Variants in ANXA6 observed in about 807,000 individuals in gnomAD.
ANXA6 encodes the protein 67 kDa calelectrin.
ANXA6 carries 71 observed loss-of-function variants against 95.4 expected under a neutral mutation model. The ratio of observed to expected loss-of-function variants is 0.74; its 90% CI spans 0.61 to 0.91. ANXA6 has a LOEUF of 0.91. Among genes scored for constraint, ANXA6 ranks in the 40% least tolerant of loss-of-function variants. The pLI is 0.00. For missense variants in ANXA6, 830 were observed against 876.4 expected, an observed-to-expected ratio of 0.95 and a Z score of 0.67; for synonymous variants, 289 against 315.9, an observed-to-expected ratio of 0.91 and a Z score of 0.90.
chr5:151,114,287 A>C (rs536072703), intron 20 of ANXA6, among the ~76,000 whole-genome samples: 3 of 152,290 alleles, frequency 2.0e-5, no homozygotes, highest in African/African-American at 7.2e-5. Flanking sequence ...AGTGGGGTAA[A>C]TGAATTCTAT....
chr5:151,127,429 C>T (rs538134268), intron 13 of ANXA6, among the ~76,000 whole-genome samples: 31 of 152,220 alleles, frequency 2.0e-4, no homozygotes, highest in Admixed American at 5.2e-4. Flanking sequence ...CACTTCTCTG[C>T]CTTATTTCTC....
intron 2 of ANXA6, chr5:151,140,485 C>A (rs775373893): frequency 4.5e-4 from 215 of 480,704 alleles, no homozygotes; most frequent in Non-Finnish European, 6.7e-4. Context: ...GCCTGCAGCC[C>A]TGCACCACCT....
At chr5:151,124,066 C>A (rs1765244191) in intron 15 of ANXA6, among the ~76,000 whole-genome samples, 1 of 152,188 alleles carries the variant, frequency 6.6e-6, no homozygotes, top group Non-Finnish European at 1.5e-5. Flanking sequence ...TGGGGGACAC[C>A]TTGGTCCCTG....
intron 16 of ANXA6, 111 bp from the exon 17 acceptor site, chr5:151,122,371 G>A: frequency 1.5e-6 from 1 of 651,462 alleles, no homozygotes; most frequent in Non-Finnish European, 2.6e-6. Flanking sequence ...GATCATGGAA[G>A]CTTGTGTCTG....
rs765247642 is a variant in ANXA6, at chr5:151,126,412, G to T, written c.1046C>A (p.Ala349Asp). Residue 349 changes from alanine to aspartate, a missense_variant, in exon 14 of 26, where the codon GCC (alanine) becomes GAC (aspartate). Transcript: ENST00000354546. ...AYQMWELSAV[A>D]RVELKGTVRP... Reference sequence around the variant, plus strand: ...AGGGGAAGGTCTGACCTCTACTCGGGCCACTGCACTAAGTTCCCACATCTG... The same window carrying T: ...AGGGGAAGGTCTGACCTCTACTCGGTCCACTGCACTAAGTTCCCACATCTG... 1 of 1,609,454 alleles carries T rather than the reference G, an allele frequency of 6.2e-7. No homozygotes were observed. Among genetic ancestry groups the T allele is most frequent in the South Asian group, 1.1e-5 (1 of 89,942 alleles).
Position 151,122,903 on chromosome 5 carries a change from G to A in ANXA6, c.1233+14C>T. On this transcript the variant is annotated intron_variant, in intron 16 of 25. Transcript: ENST00000354546. ...CATGCATGTTGCACAGAGAGCCCAG[G>A]AGGAGGTCCTTACCCGGCCAAAGTG... 6.2e-7 allele frequency: 1 copy of A among 1,612,378 alleles called. No homozygotes were observed. The highest frequency in any genetic ancestry group is 8.5e-7 in the Non-Finnish European group (1 of 1,178,562).
At chr5:151,104,414 G>A (rs578218080) in intron 24 of ANXA6, among the ~76,000 whole-genome samples, 1 of 152,330 alleles carries the variant, frequency 6.6e-6, no homozygotes, top group African/African-American at 2.4e-5. Context: ...TCAGAGCTAG[G>A]TTCGAGTCCC....
chr5:151,156,202 C>T (rs1766232884), intron 1 of ANXA6, among the ~76,000 whole-genome samples: 1 of 152,126 alleles, frequency 6.6e-6, no homozygotes, highest in Admixed American at 6.5e-5. Flanking sequence ...TCCTGCCCTC[C>T]CCAGTCCCAT....
intron 20 of ANXA6, among the ~76,000 whole-genome samples, chr5:151,116,113 G>T (rs1055663414): frequency 1.3e-5 from 2 of 152,300 alleles, no homozygotes; most frequent in Admixed American, 6.5e-5. Context: ...TAACTGTCAG[G>T]TTCCAGCTAA....
chr5:151,149,543 G>A (rs547228949), intron 1 of ANXA6, among the ~76,000 whole-genome samples: 2 of 152,158 alleles, frequency 1.3e-5, no homozygotes, highest in East Asian at 3.9e-4. Flanking sequence ...CTGGAGTGCA[G>A]TGGCGCAATC....
At position 151,103,562 on chromosome 5, in the gene ANXA6, C is replaced by T; in HGVS notation, c.1962+8G>A. ...CGCTTCCTGCTAACCTCTAGCCCCT[C>T]CCCTTACCTCAATGGCTTGGTGGAG... On this transcript the variant is annotated splice_region_variant and intron_variant, in intron 25 of 25. Transcript: ENST00000354546. 3 of 1,612,062 alleles carry T rather than the reference C, an allele frequency of 1.9e-6. No individual in the cohort carries two copies. Among genetic ancestry groups the T allele is most frequent in the Non-Finnish European group, 2.5e-6 (3 of 1,178,930 alleles).
At chr5:151,156,501 C>A (rs982864459) in intron 1 of ANXA6, among the ~76,000 whole-genome samples, 1 of 152,154 alleles carries the variant, frequency 6.6e-6, no homozygotes, top group African/African-American at 2.4e-5. Flanking sequence ...CAGGATATGC[C>A]ATCTGGGTCA....
chr5:151,110,163 C>G (rs1387414857), intron 21 of ANXA6, among the ~76,000 whole-genome samples: 1 of 152,142 alleles, frequency 6.6e-6, no homozygotes, highest in Non-Finnish European at 1.5e-5. Flanking sequence ...ACTGGGAGTT[C>G]CCCTTCCATC....
chr5:151,138,847 C>A (rs1026529765), intron 4 of ANXA6, 56 bp from the exon 5 acceptor site: 7 of 1,233,520 alleles, frequency 5.7e-6, no homozygotes, highest in Non-Finnish European at 7.1e-6. Context: ...GTAGTTACAA[C>A]GGTAAGAATT....
chr5:151,137,187 T>C (rs1765687518), intron 6 of ANXA6, 44 bp downstream of exon 6: 2 of 1,530,792 alleles, frequency 1.3e-6, no homozygotes, highest in Non-Finnish European at 9.0e-7. Flanking sequence ...ATCATCCTCA[T>C]TTTGTATCTG....
rs1462543962 is a variant in ANXA6 at position 151,126,487 on chromosome 5, T to G, written c.978-7A>C. ...GAAGAACTGGCCAGCAGCACTGGAA[T>G]GGAGGGGTTTAGGGAGAGGACAGGA... On this transcript the variant is annotated splice_polypyrimidine_tract_variant and splice_region_variant and intron_variant, in intron 13 of 25. Transcript: ENST00000354546. 6.2e-7 allele frequency: 1 copy of G among 1,604,762 alleles called. No homozygotes were observed. Among genetic ancestry groups the G allele is most frequent in the South Asian group, 1.1e-5 (1 of 89,272 alleles).
chr5:151,101,493 TC>T lies in ANXA6; in HGVS notation c.1976del (p.Gly659GlufsTer4). ...GAGCCAGCAAGGCCTTCAGGAAGTC[TC>T]CGGAGGTGTCACCCTGGCAGAGGCA... ...LHQAIEGDTS[G>X]DFLKALLALC... On this transcript the variant is annotated frameshift_variant, in exon 26 of 26. Coordinates refer to ENST00000354546, the MANE Select transcript of ANXA6 (RefSeq NM_001155.5). LOFTEE classifies it high-confidence loss of function. 6.4e-7 allele frequency: 1 copy of T among 1,560,340 alleles called. No homozygotes were observed. The highest frequency in any genetic ancestry group is 1.4e-5 in the African/African-American group (1 of 73,306).
rs1429898910 is a variant in ANXA6, at chr5:151,108,475, C to CTGA, written c.1757_1759dup (p.Val586_Arg587insIle). ...GTTACCAATGGCCACAAATGCATCC[C>CTGA]TGACATCCCCAGACATCTCCTTCTT... On this transcript the variant is annotated inframe_insertion, in exon 23 of 26. Transcript: ENST00000354546. 6.2e-7 allele frequency: 1 copy of CTGA among 1,613,820 alleles called. No homozygotes were observed. Among genetic ancestry groups the CTGA allele is most frequent in the Non-Finnish European group, 8.5e-7 (1 of 1,179,850 alleles).
At chr5:151,137,385 G>T in intron 5 of ANXA6, 64 bp from the exon 6 acceptor site, 1 of 1,391,290 alleles carries the variant, frequency 7.2e-7, no homozygotes. Context: ...ACACAGGTTG[G>T]GATCAGGGAG....
Sources: allele counts gnomAD v4.1 joint callset (sites outside exome capture counted in the v4.1 genomes callset), GRCh38; gene constraint gnomAD v4.1.1; transcripts MANE v1.5; gene names NCBI Gene and HGNC (gene_info 2026-07-23, HGNC 2026-07-21).